TPST1: variants seen among roughly 807,000 people sequenced by gnomAD.
TPST1 encodes protein-tyrosine sulfotransferase 1.
A neutral mutation model predicts 34.8 loss-of-function variants in TPST1; 20 were observed. The observed-to-expected ratio is 0.57, with a 90% CI of 0.40 to 0.84. TPST1 has a LOEUF of 0.84. Among genes scored for constraint, TPST1 ranks in the 40% least tolerant of loss-of-function variants. TPST1 has a pLI of 0.00. For missense variants in TPST1, 353 were observed against 455.5 expected, an observed-to-expected ratio of 0.78 and a Z score of 2.05; for synonymous variants, 152 against 159.4, an observed-to-expected ratio of 0.95 and a Z score of 0.35.
At chr7:66,356,793 G>A in intron 4 of TPST1, 32 bp from the exon 5 acceptor site, 10 of 1,614,084 alleles carry the variant, frequency 6.2e-6, no homozygotes, top group Non-Finnish European at 7.6e-6. Context: ...CAACTTCAAG[G>A]ACATTAAAAC....
At chr7:66,354,660 A>G (rs1247111886) in intron 4 of TPST1, among the ~76,000 whole-genome samples, 1 of 152,134 alleles carries the variant, frequency 6.6e-6, no homozygotes, top group African/African-American at 2.4e-5. Context: ...ATATTTCCAA[A>G]TGGATTGCAC....
intron 2 of TPST1, among the ~76,000 whole-genome samples, chr7:66,285,444 T>C (rs1791016097): frequency 6.6e-6 from 1 of 152,102 alleles, no homozygotes; most frequent in African/African-American, 2.4e-5. Context: ...GAGAAAGGAA[T>C]GTGGCTCCTG....
rs55722852 is a variant in TPST1 at position 66,232,515 on chromosome 7, G to A, written c.-101-7810G>A. 4.0e-3 allele frequency among the ~76,000 whole-genome samples: 607 copies of A among 152,224 alleles called. 4 individuals carry two copies. Among genetic ancestry groups the A allele is most frequent in the African/African-American group, 0.014 (576 of 41,532 alleles). ...AGCCTCCCGAGTAGCTGGGACTACA[G>A]GCGCCCACCACCATGCCCGGCTAAT... On this transcript the variant is annotated intron_variant, in intron 1 of 5. Transcript: ENST00000304842.
intron 1 of TPST1, among the ~76,000 whole-genome samples, chr7:66,229,274 C>A (rs1258548825): frequency 3.3e-5 from 5 of 152,150 alleles, no homozygotes; most frequent in Non-Finnish European, 5.9e-5. Context: ...CCACGCCCAG[C>A]TAATTTTTTG....
intron 3 of TPST1, among the ~76,000 whole-genome samples, chr7:66,320,059 A>T (rs1345329505): frequency 6.6e-6 from 1 of 152,112 alleles, no homozygotes; most frequent in African/African-American, 2.4e-5. Context: ...CCTGAATCAT[A>T]TAATAGTCTT....
At chr7:66,238,793 C>T (rs1202803520) in intron 1 of TPST1, among the ~76,000 whole-genome samples, 1 of 152,248 alleles carries the variant, frequency 6.6e-6, no homozygotes. Flanking sequence ...AACTGTCACA[C>T]TTGCCTTCTG....
chr7:66,315,220 G>A (rs1791608561), intron 3 of TPST1, among the ~76,000 whole-genome samples: 2 of 152,246 alleles, frequency 1.3e-5, no homozygotes, highest in African/African-American at 2.4e-5. Context: ...GAATGGTGAA[G>A]CACCCAGTAA....
intron 3 of TPST1, among the ~76,000 whole-genome samples, chr7:66,322,212 A>T (rs191824363): frequency 6.6e-6 from 1 of 152,256 alleles, no homozygotes; most frequent in African/African-American, 2.4e-5. Context: ...TAGATCTGTA[A>T]CCTGCCTGGA....
intron 1 of TPST1, among the ~76,000 whole-genome samples, chr7:66,223,696 T>C (rs1789593046): frequency 6.6e-6 from 1 of 152,176 alleles, no homozygotes; most frequent in Non-Finnish European, 1.5e-5. Context: ...CAATTTTTTA[T>C]TTTGTTTTAT....
intron 2 of TPST1, among the ~76,000 whole-genome samples, chr7:66,255,181 G>A (rs1198877789): frequency 6.6e-6 from 1 of 151,892 alleles, no homozygotes; most frequent in Non-Finnish European, 1.5e-5. Context: ...TTTTTAAGTG[G>A]GGACAGTTTG....
Position 66,241,304 on chromosome 7 carries a change from A to G in TPST1, c.845+34A>G, listed in dbSNP as rs200672762. The G allele has an allele frequency of 1.2e-3, 1,853 of 1,563,304 alleles. 27 individuals carry two copies. The South Asian group carries it at 0.015, about 13-fold the overall frequency. On this transcript the variant is annotated intron_variant, in intron 2 of 5. Coordinates refer to ENST00000304842, the MANE Select transcript of TPST1 (RefSeq NM_003596.4). ...AAGATACGTTTTTTATTTTGACTCTATATTTAGCTAATAATGATCTATACA... is the reference window on the plus strand; with the variant it reads ...AAGATACGTTTTTTATTTTGACTCTGTATTTAGCTAATAATGATCTATACA...
chr7:66,253,588 G>T (rs554135251), intron 2 of TPST1, among the ~76,000 whole-genome samples: 5 of 151,452 alleles, frequency 3.3e-5, no homozygotes, highest in African/African-American at 9.7e-5. Context: ...AACCAGGATG[G>T]TCTCTCTCTC....
intron 3 of TPST1, among the ~76,000 whole-genome samples, chr7:66,321,007 A>T (rs1159881475): frequency 6.6e-6 from 1 of 152,258 alleles, no homozygotes; most frequent in Non-Finnish European, 1.5e-5. Flanking sequence ...CATTTGGTGA[A>T]CATGAATAAT....
At chr7:66,349,619 A>G (rs1270369341) in intron 3 of TPST1, among the ~76,000 whole-genome samples, 1 of 152,028 alleles carries the variant, frequency 6.6e-6, no homozygotes, top group African/African-American at 2.4e-5. Flanking sequence ...TGAGACCTCA[A>G]CCCACTGACA....
At chr7:66,259,169 G>A (rs923927609) in intron 2 of TPST1, among the ~76,000 whole-genome samples, 2 of 151,700 alleles carry the variant, frequency 1.3e-5, no homozygotes, top group African/African-American at 2.4e-5. Context: ...TCCTTTTTTT[G>A]TTTAGCTTGG....
rs1562810177 is a variant in TPST1, at chr7:66,240,747, C to A, written c.322C>A (p.Leu108Met). The A allele has an allele frequency of 6.2e-7, 1 of 1,614,074 alleles. No homozygotes were observed. The highest frequency in any genetic ancestry group is 1.3e-5 in the African/African-American group (1 of 74,920). Residue 108 changes from leucine to methionine, a missense_variant, in exon 2 of 6, where the codon CTG (leucine) becomes ATG (methionine). Coordinates refer to ENST00000304842, the MANE Select transcript of TPST1 (RefSeq NM_003596.4). ...GGAAACCAGGGTCATTCCCCGAATC[C>A]TGGCCCTGAAGCAGATGTGGTCACG... ...GEETRVIPRI[L>M]ALKQMWSRSS...
At chr7:66,207,075 C>G (rs1047325134) in intron 1 of TPST1, among the ~76,000 whole-genome samples, 2 of 152,168 alleles carry the variant, frequency 1.3e-5, no homozygotes, top group African/African-American at 4.8e-5. Flanking sequence ...CTGATGGTCT[C>G]AAGCCTGGAC....
At chr7:66,201,049 C>T (rs1201099589), upstream of TPST1, among the ~76,000 whole-genome samples, 2 of 152,072 alleles carry the variant, frequency 1.3e-5, no homozygotes, top group African/African-American at 4.8e-5. Flanking sequence ...GTGAGGTGAT[C>T]TAATTCTGGG....
chr7:66,203,736 C>T (rs899463260), upstream of TPST1, among the ~76,000 whole-genome samples: 11 of 150,826 alleles, frequency 7.3e-5, no homozygotes, highest in Admixed American at 3.3e-4. Flanking sequence ...CCGCCCACCT[C>T]GGCCTCTCAA....
Sources: allele counts gnomAD v4.1 joint callset (sites outside exome capture counted in the v4.1 genomes callset), GRCh38; gene constraint gnomAD v4.1.1; transcripts MANE v1.5; gene names NCBI Gene and HGNC (gene_info 2026-07-23, HGNC 2026-07-21).